CACHD1: variants seen among roughly 807,000 people sequenced by gnomAD.
CACHD1 encodes cache domain containing 1.
Under a neutral mutation model 138.7 loss-of-function variants are expected in CACHD1, and 71 were observed. The ratio of observed to expected loss-of-function variants is 0.51; its 90% confidence interval spans 0.42 to 0.62. CACHD1 has a LOEUF of 0.62. Among genes scored for constraint, CACHD1 ranks in the 20% least tolerant of loss-of-function variants. CACHD1 has a pLI of 0.00. For missense variants in CACHD1, 1,389 were observed against 1,625.3 expected (o/e 0.85, Z 2.50); for synonymous variants, 578 against 591.5 (o/e 0.98, Z 0.33).
At chr1:64,666,210 A>G in intron 16 of CACHD1, 43 bp downstream of exon 16, 1 of 1,005,208 alleles carries the variant, frequency 9.9e-7, no homozygotes, top group Non-Finnish European at 1.2e-6. Flanking sequence ...TAAATATATC[A>G]AGGATATTTT....
intron 17 of CACHD1, 120 bp from the exon 18 acceptor site, chr1:64,673,038 T>G: frequency 1.2e-6 from 1 of 861,510 alleles, no homozygotes. Flanking sequence ...TGAGTATTTA[T>G]TGAGAACCTG....
At position 64,550,457 on chromosome 1, in the gene CACHD1, C is replaced by T. The variant is rs1357593341; in HGVS notation, c.199-137C>T. 1.2e-5 allele frequency: 7 copies of T among 608,108 alleles called. 1 individual carries two copies. The Admixed American group carries it at 1.5e-4, about 13-fold the overall frequency. 37.7% of individuals were successfully genotyped at this position (608,108 alleles called of 1,614,324 possible). A position where few individuals can be genotyped will look rare whatever the true frequency, so the allele number is the denominator to read the frequency against. On this transcript the variant is annotated intron_variant, in intron 1 of 26. Coordinates refer to ENST00000651257, the MANE Select transcript of CACHD1 (RefSeq NM_020925.4). Reference sequence around the variant, plus strand: ...GACTTTGGCTGATACTTGGGTTTCTCTCTGTAAAATTACTGCATTTTAATT... The same window carrying T: ...GACTTTGGCTGATACTTGGGTTTCTTTCTGTAAAATTACTGCATTTTAATT...
At chr1:64,582,712 A>G (rs550644809) in intron 3 of CACHD1, among the ~76,000 whole-genome samples, 1 of 152,312 alleles carries the variant, frequency 6.6e-6, no homozygotes, top group Non-Finnish European at 1.5e-5. Flanking sequence ...AGTAGATACT[A>G]TCTTTAAAAC....
chr1:64,680,559 G>A (rs1211207442), intron 24 of CACHD1, among the ~76,000 whole-genome samples: 1 of 152,016 alleles, frequency 6.6e-6, no homozygotes, highest in African/African-American at 2.4e-5. Context: ...ACCACGTGCA[G>A]TATCTATACT....
chr1:64,542,710 A>G (rs554604818), intron 1 of CACHD1, among the ~76,000 whole-genome samples: 240 of 152,240 alleles, frequency 1.6e-3, no homozygotes, highest in Admixed American at 5.6e-3. Context: ...AGTTTTCTCT[A>G]TTAAACTCTA....
intron 1 of CACHD1, among the ~76,000 whole-genome samples, chr1:64,531,495 T>TTG (rs68180558): frequency 0.019 from 2,755 of 146,860 alleles, 33 homozygotes; most frequent in African/African-American, 0.038. Flanking sequence ...ATGAATGTGG[T>TTG]TGTGTGTGTG....
At chr1:64,578,977 T>C (rs1242970523) in intron 2 of CACHD1, among the ~76,000 whole-genome samples, 2 of 152,184 alleles carry the variant, frequency 1.3e-5, no homozygotes, top group African/African-American at 4.8e-5. Context: ...AGGAAATTTC[T>C]ATAAAACCAC....
In CACHD1 at chr1:64,470,974, G is replaced by A. The variant is rs754070191; in HGVS notation, c.198+32G>A. 10 of 1,555,054 alleles carry A rather than the reference G, an allele frequency of 6.4e-6. No individual in the cohort carries two copies. The East Asian group carries it at 2.1e-4, about 33-fold the overall frequency. ...GGCCCCCGAGCTGGCCAGACATCCC[G>A]CCTTTCTCCTTTGCTCAAACTCCCA... On this transcript the variant is annotated intron_variant, in intron 1 of 26. Transcript: ENST00000651257. This position sits in a 1 kb window ranked among gnomAD's most constrained non-coding sequence, Gnocchi z 5.2.
intron 4 of CACHD1, among the ~76,000 whole-genome samples, chr1:64,624,175 G>T (rs1455185671): frequency 6.6e-6 from 1 of 152,196 alleles, no homozygotes; most frequent in Non-Finnish European, 1.5e-5. Context: ...ACCAAATAAT[G>T]GATGTAATTT....
chr1:64,530,792 A>G (rs1373911393), intron 1 of CACHD1, among the ~76,000 whole-genome samples: 1 of 151,474 alleles, frequency 6.6e-6, no homozygotes, highest in African/African-American at 2.4e-5. Context: ...AATCACTTGA[A>G]CCCAGGAGGT....
rs371196282 is a variant in CACHD1, at chr1:64,540,010, G to C, written c.199-10584G>C. ...TAAAGGGTGAGTTTCTTAAGGGTAT[G>C]GGACCATATTTTATATAGCTTCTGA... is the stretch of plus-strand genomic sequence containing the variant. On this transcript the variant is annotated intron_variant, in intron 1 of 26. Coordinates refer to ENST00000651257, the MANE Select transcript of CACHD1 (RefSeq NM_020925.4). 6.2e-4 allele frequency among the ~76,000 whole-genome samples: 95 copies of C among 152,188 alleles called. 1 individual carries two copies. The highest frequency in any genetic ancestry group is 2.2e-3 in the African/African-American group (91 of 41,530).
intron 16 of CACHD1, among the ~76,000 whole-genome samples, chr1:64,671,120 C>T (rs1262856969): frequency 2.0e-5 from 3 of 152,144 alleles, no homozygotes; most frequent in Non-Finnish European, 4.4e-5. Flanking sequence ...ACCTTAGCCA[C>T]TCAGTTAACC....
intron 1 of CACHD1, among the ~76,000 whole-genome samples, chr1:64,505,098 A>G (rs1014496816): frequency 1.3e-5 from 2 of 152,158 alleles, no homozygotes; most frequent in African/African-American, 4.8e-5. Flanking sequence ...ATTTCTTCTA[A>G]ACTTTATCTC....
In CACHD1 at chr1:64,629,731, T is replaced by G. The variant is rs979717142; in HGVS notation, c.644+250T>G. 4.6e-5 allele frequency among the ~76,000 whole-genome samples: 7 copies of G among 152,092 alleles called. No homozygotes were observed. The East Asian group carries it at 1.3e-3, about 29-fold the overall frequency. ...TATAAAAAGGTACTTACTCGTGAAG[T>G]CAAATTGTGTGAAGCACCTAGAGTG... On this transcript the variant is annotated intron_variant, in intron 5 of 26. Coordinates refer to ENST00000651257, the MANE Select transcript of CACHD1 (RefSeq NM_020925.4).
intron 2 of CACHD1, among the ~76,000 whole-genome samples, chr1:64,569,181 G>T (rs151337548): frequency 1.6e-4 from 25 of 151,962 alleles, no homozygotes; most frequent in Non-Finnish European, 3.5e-4. Flanking sequence ...TCAGCCTCCC[G>T]AAGTGCTGGG....
intron 2 of CACHD1, among the ~76,000 whole-genome samples, chr1:64,568,491 G>C (rs554898040): frequency 6.6e-6 from 1 of 152,084 alleles, no homozygotes; most frequent in Non-Finnish European, 1.5e-5. Flanking sequence ...AGGAAAAAAC[G>C]AGATGGGCAC....
At chr1:64,616,102 G>T (rs910915601) in intron 4 of CACHD1, among the ~76,000 whole-genome samples, 1 of 152,104 alleles carries the variant, frequency 6.6e-6, no homozygotes, top group Non-Finnish European at 1.5e-5. Context: ...ACTGTATTCT[G>T]CCTACTGACA....
intron 1 of CACHD1, among the ~76,000 whole-genome samples, chr1:64,544,755 G>T (rs368653509): frequency 6.6e-6 from 1 of 152,062 alleles, no homozygotes; most frequent in Non-Finnish European, 1.5e-5. Context: ...CGGGGAGGCA[G>T]TGCTTAGGGA....
At chr1:64,576,061 C>T (rs757784556) in intron 2 of CACHD1, among the ~76,000 whole-genome samples, 37 of 152,100 alleles carry the variant, frequency 2.4e-4, no homozygotes, top group Admixed American at 1.9e-3. Context: ...ATCATTTGAC[C>T]CGTGGCTGGA....
Sources: gnomAD v4.1 joint callset for allele counts (sites outside exome capture counted in the v4.1 genomes callset) on GRCh38, gnomAD v4.1.1 for gene constraint, Gnocchi (gnomAD v3.1) non-coding constraint, MANE v1.5 for transcripts, NCBI Gene and HGNC (gene_info 2026-07-23, HGNC 2026-07-21) for gene names.